Variants in GPM6A observed in about 807,000 individuals in gnomAD.
GPM6A encodes the protein glycoprotein M6A.
GPM6A carries 7 observed loss-of-function variants against 32.1 expected under a neutral mutation model. That is an observed-to-expected ratio of 0.22 (90% CI 0.12 to 0.41). The LOEUF is 0.41. Ranked by LOEUF, GPM6A falls within the 10% of genes least tolerant of loss-of-function variation. The pLI is 1.00. For synonymous variants in GPM6A, 130 were observed against 123.4 expected (o/e 1.05, Z -0.35); for missense variants, 235 against 347.2 (o/e 0.68, Z 2.57).
At chr4:175,857,697 A>G (rs1736456709) in intron 1 of GPM6A, among the ~76,000 whole-genome samples, 1 of 152,128 alleles carries the variant, frequency 6.6e-6, no homozygotes, top group Admixed American at 6.5e-5. Flanking sequence ...AATTTGGAAT[A>G]AAAAGAAACT....
chr4:175,721,177 T>A (rs2111115929), intron 1 of GPM6A, among the ~76,000 whole-genome samples: 1 of 97,886 alleles, frequency 1.0e-5, no homozygotes, highest in South Asian at 3.2e-4. Flanking sequence ...TTTCTATTTT[T>A]AAAAAGGCAA....
At chr4:175,828,730 T>C (rs1348093698) in intron 1 of GPM6A, among the ~76,000 whole-genome samples, 2 of 152,136 alleles carry the variant, frequency 1.3e-5, no homozygotes, top group Non-Finnish European at 2.9e-5. Context: ...TAATTATAAG[T>C]AGACTTATAG....
intron 2 of GPM6A, among the ~76,000 whole-genome samples, chr4:175,690,882 T>C: frequency 6.6e-6 from 1 of 152,248 alleles, no homozygotes; most frequent in East Asian, 1.9e-4. Context: ...TCATTGAAGT[T>C]GAATGCTAAT....
intron 1 of GPM6A, chr4:175,961,245 T>C (rs1048408891): frequency 5.9e-5 from 9 of 152,224 alleles, no homozygotes; most frequent in African/African-American, 1.9e-4. Context: ...ACCTTTAGAT[T>C]ACTTTTAAAG....
intron 1 of GPM6A, among the ~76,000 whole-genome samples, chr4:175,730,152 A>G (rs1370963094): frequency 2.0e-5 from 3 of 152,078 alleles, no homozygotes; most frequent in Non-Finnish European, 2.9e-5. Context: ...CTTAAGTATA[A>G]GCTGCTGTCC....
chr4:175,794,214 C>G (rs768316202), intron 1 of GPM6A, among the ~76,000 whole-genome samples: 3 of 152,120 alleles, frequency 2.0e-5, no homozygotes, highest in African/African-American at 7.2e-5. Context: ...ATAAAAGTAT[C>G]TTATTTGTAT....
intron 1 of GPM6A, among the ~76,000 whole-genome samples, chr4:175,729,138 C>T (rs1731306712): frequency 6.6e-6 from 1 of 152,282 alleles, no homozygotes; most frequent in Non-Finnish European, 1.5e-5. Context: ...AGATCTAATA[C>T]CAAAACTCAA....
chr4:175,978,967 A>G (rs796809135), intron 1 of GPM6A, among the ~76,000 whole-genome samples: 1 of 140,766 alleles, frequency 7.1e-6, no homozygotes, highest in Non-Finnish European at 1.5e-5. Context: ...ATTTAAAGCA[A>G]AAAAAAAAAA....
chr4:175,793,710 C>T (rs1370341708), intron 1 of GPM6A, among the ~76,000 whole-genome samples: 1 of 152,124 alleles, frequency 6.6e-6, no homozygotes, highest in African/African-American at 2.4e-5. Flanking sequence ...TCAGACACTA[C>T]TTATACTTTT....
chr4:175,827,790 A>T (rs1339728827), intron 1 of GPM6A, among the ~76,000 whole-genome samples: 1 of 152,194 alleles, frequency 6.6e-6, no homozygotes, highest in Admixed American at 6.5e-5. Context: ...TGAGGAAAAG[A>T]ATACCTATTC....
At chr4:175,753,273 A>T (rs1303410040) in intron 1 of GPM6A, among the ~76,000 whole-genome samples, 2 of 152,006 alleles carry the variant, frequency 1.3e-5, no homozygotes, top group Non-Finnish European at 2.9e-5. Flanking sequence ...CATATTTATT[A>T]TGAGAAAGCT....
At chr4:175,796,826 C>G (rs1304175855) in intron 1 of GPM6A, among the ~76,000 whole-genome samples, 1 of 152,162 alleles carries the variant, frequency 6.6e-6, no homozygotes, top group Non-Finnish European at 1.5e-5. Flanking sequence ...AGCTTGAAGA[C>G]TGCCTTTCTC....
At chr4:175,775,289 A>G (rs1733349623) in intron 1 of GPM6A, among the ~76,000 whole-genome samples, 1 of 152,148 alleles carries the variant, frequency 6.6e-6, no homozygotes. Context: ...TATAAAACAC[A>G]GATCTGATGA....
At chr4:175,745,531 C>A (rs895912673) in intron 1 of GPM6A, among the ~76,000 whole-genome samples, 16 of 152,198 alleles carry the variant, frequency 1.1e-4, no homozygotes, top group Admixed American at 2.6e-4. Context: ...TGAATGAGAG[C>A]AAGTCCCTGC....
chr4:175,842,159 ATT>A (rs1233436444), intron 1 of GPM6A, among the ~76,000 whole-genome samples: 1 of 152,104 alleles, frequency 6.6e-6, no homozygotes, highest in Non-Finnish European at 1.5e-5. Context: ...GGTAACAGCA[ATT>A]TTTTTGTACA....
At chr4:175,792,783 A>G (rs1219332180) in intron 1 of GPM6A, among the ~76,000 whole-genome samples, 1 of 152,212 alleles carries the variant, frequency 6.6e-6, no homozygotes, top group Non-Finnish European at 1.5e-5. Flanking sequence ...AGAAATACAT[A>G]TGGGATTCTC....
At chr4:175,814,499 T>A (rs1380671917), upstream of GPM6A, among the ~76,000 whole-genome samples, 1 of 152,262 alleles carries the variant, frequency 6.6e-6, no homozygotes, top group African/African-American at 2.4e-5. Flanking sequence ...TCACCACACA[T>A]ATAAAGCAAA....
chr4:175,703,802 G>T (rs1457863910), intron 1 of GPM6A, among the ~76,000 whole-genome samples: 1 of 152,112 alleles, frequency 6.6e-6, no homozygotes, highest in African/African-American at 2.4e-5. Flanking sequence ...CAGGCTAAGG[G>T]TACTTGCAAG....
At chr4:175,809,075 A>G (rs569090043) in intron 1 of GPM6A, among the ~76,000 whole-genome samples, 2 of 152,308 alleles carry the variant, frequency 1.3e-5, no homozygotes, top group East Asian at 3.9e-4. Context: ...ATGGTCACCC[A>G]CTTGTCTGGC....
Sources: allele counts gnomAD v4.1 joint callset (sites outside exome capture counted in the v4.1 genomes callset), GRCh38; gene constraint gnomAD v4.1.1; transcripts MANE v1.5; gene names NCBI Gene and HGNC (gene_info 2026-07-23, HGNC 2026-07-21).